Variants in CP observed in about 807,000 individuals in gnomAD.
The protein encoded by CP is caeruloplasmin.
In CP, 64 loss-of-function variants were observed where a neutral mutation model predicts 122.4. The ratio of observed to expected loss-of-function variants is 0.52; its 90% CI spans 0.43 to 0.64. The LOEUF (loss-of-function observed/expected upper bound fraction) is 0.64. Ranked by LOEUF, CP falls within the 30% of genes least tolerant of loss-of-function variation. The probability of loss-of-function intolerance (pLI) is 0.00; values close to 1 mark genes in which losing one functional copy is unlikely to be tolerated. For synonymous variants in CP, 440 were observed against 436.4 expected (o/e 1.01, Z -0.10); for missense variants, 1,167 against 1,284.4 (o/e 0.91, Z 1.40).
intron 2 of CP, among the ~76,000 whole-genome samples, chr3:149,211,394 A>G (rs1728089446): frequency 6.6e-6 from 1 of 152,290 alleles, no homozygotes; most frequent in Admixed American, 6.5e-5. Context: ...GTCCAAGGTC[A>G]CTCAAACAGT....
At chr3:149,208,715 T>C (rs190935095) in intron 4 of CP, among the ~76,000 whole-genome samples, 6 of 152,266 alleles carry the variant, frequency 3.9e-5, no homozygotes, top group African/African-American at 7.2e-5. Context: ...AAAAAAGCAT[T>C]TCTAGAAAAG....
chr3:149,181,900 C>G, intron 14 of CP, 105 bp downstream of exon 14: 1 of 1,300,172 alleles, frequency 7.7e-7, no homozygotes, highest in South Asian at 1.2e-5. Flanking sequence ...ACAACTACCT[C>G]CCTTTTCACT....
chr3:149,209,617 A>C (rs1244542748), intron 3 of CP, among the ~76,000 whole-genome samples: 1 of 152,164 alleles, frequency 6.6e-6, no homozygotes, highest in African/African-American at 2.4e-5. Flanking sequence ...CCACATAACT[A>C]TTAAATGCTT....
At chr3:149,221,364 A>T (rs1009960882) in intron 1 of CP, among the ~76,000 whole-genome samples, 1 of 152,202 alleles carries the variant, frequency 6.6e-6, no homozygotes, top group African/African-American at 2.4e-5. Flanking sequence ...TTCTGCATAA[A>T]CACATAAAAA....
At chr3:149,190,681 AG>A (rs1204848851) in intron 9 of CP, among the ~76,000 whole-genome samples, 13 of 146,874 alleles carry the variant, frequency 8.9e-5, no homozygotes, top group South Asian at 2.2e-4. Flanking sequence ...AAAAAAAAGG[AG>A]GGGGGGAACC....
downstream of CP, among the ~76,000 whole-genome samples, chr3:149,169,151 C>T (rs1724731433): frequency 6.6e-6 from 1 of 151,952 alleles, no homozygotes; most frequent in African/African-American, 2.4e-5. Flanking sequence ...TTTTTTCAAG[C>T]TACACATTCC....
intron 18 of CP, among the ~76,000 whole-genome samples, chr3:149,175,052 G>A (rs1219097581): frequency 6.6e-6 from 1 of 152,026 alleles, no homozygotes; most frequent in East Asian, 1.9e-4. Context: ...TTACCCTGTA[G>A]TGCCATACTC....
At chr3:149,193,861 ATAAC>A (rs1210915070) in intron 9 of CP, among the ~76,000 whole-genome samples, 1 of 152,224 alleles carries the variant, frequency 6.6e-6, no homozygotes, top group Non-Finnish European at 1.5e-5. Flanking sequence ...GAAATATTAA[ATAAC>A]TAATCTGTAG....
rs1217158127 is a variant in CP, at chr3:149,172,978, A to G, written c.*736T>C. 6.6e-6 allele frequency: 1 copy of G among 152,612 alleles called. No homozygotes were observed. The highest frequency in any genetic ancestry group is 1.5e-5 in the Non-Finnish European group (1 of 68,014). The allele number at this position is 152,612 out of a possible 1,614,324, so 9.5% of individuals were successfully genotyped here. On this transcript the variant is annotated 3_prime_UTR_variant, in exon 19 of 19. Transcript: ENST00000264613. ...TATTCACAACCATGTGTCTTCATTT[A>G]TAACTTTTTGTTTAAAAAATTTTTA...
chr3:149,217,653 A>C (rs1728553958), intron 1 of CP, among the ~76,000 whole-genome samples: 1 of 152,212 alleles, frequency 6.6e-6, no homozygotes, highest in African/African-American at 2.4e-5. Context: ...TAAACTTTCA[A>C]TATGCCCAAG....
At chr3:149,185,493 C>T in intron 11 of CP, 47 bp from the exon 12 acceptor site, 1 of 1,560,458 alleles carries the variant, frequency 6.4e-7, no homozygotes, top group South Asian at 1.1e-5. Flanking sequence ...CTAGTGCCCT[C>T]TGGGGCTCTC....
chr3:149,216,532 G>T (rs957501956), intron 1 of CP, among the ~76,000 whole-genome samples: 4 of 152,150 alleles, frequency 2.6e-5, no homozygotes, highest in Non-Finnish European at 5.9e-5. Context: ...GTCTCATCCT[G>T]TTCACAGGTT....
intron 9 of CP, among the ~76,000 whole-genome samples, chr3:149,196,364 A>G (rs1410340692): frequency 6.6e-6 from 1 of 152,204 alleles, no homozygotes; most frequent in Admixed American, 6.5e-5. Flanking sequence ...ATTTATCTGA[A>G]AAGTTTTTTC....
At chr3:149,199,120 G>T (rs1012501882) in intron 8 of CP, among the ~76,000 whole-genome samples, 2 of 152,056 alleles carry the variant, frequency 1.3e-5, no homozygotes, top group African/African-American at 2.4e-5. Context: ...GGTCCTTCTT[G>T]ATGTGTAAAA....
In CP at chr3:149,198,551, G is replaced by T. The variant is rs749291479; in HGVS notation, c.1529C>A (p.Ala510Glu). The T allele has an allele frequency of 6.2e-7, 1 of 1,614,064 alleles. No individual in the cohort carries two copies. The highest frequency in any genetic ancestry group is 8.5e-7 in the Non-Finnish European group (1 of 1,179,950). ...TTCATAGGTGAATGTTTCTGTGGGT[G>T]CCACATGGGAGGCTGAAGGAGGCAC... ...RSVPPSASHV[A>E]PTETFTYEWT... is the part of the protein sequence containing the mutation. The change falls in exon 9 of 19, where the codon GCA (alanine) becomes GAA (glutamate). Residue 510 changes from alanine (A) to glutamate (E), a missense_variant. Around this residue, in one of 2 missense-constraint regions of CP, gnomAD observed 642 missense variants for 627.3 expected, o/e 1.02. Transcript: ENST00000264613.
chr3:149,180,301 G>A (rs1468675292), intron 14 of CP, among the ~76,000 whole-genome samples: 1 of 152,056 alleles, frequency 6.6e-6, no homozygotes, highest in African/African-American at 2.4e-5. Context: ...CCACATACAG[G>A]ACATAACCAC....
At chr3:149,190,368 CAT>C in intron 9 of CP, among the ~76,000 whole-genome samples, 1 of 152,084 alleles carries the variant, frequency 6.6e-6, no homozygotes, top group East Asian at 1.9e-4. Flanking sequence ...TGATTAAAAA[CAT>C]AAACAGGCTG....
At chr3:149,198,021 C>T (rs1173503305) in intron 9 of CP, among the ~76,000 whole-genome samples, 3 of 152,134 alleles carry the variant, frequency 2.0e-5, no homozygotes, top group Non-Finnish European at 4.4e-5. Flanking sequence ...TCTACAGGAC[C>T]AATGACTCTT....
At position 149,163,890 on chromosome 3, in the gene CP, G is replaced by A. The variant is rs758569835; in HGVS notation, c.*14-1015C>T. The A allele has an allele frequency of 3.7e-5, 59 of 1,585,862 alleles. No individual in the cohort carries two copies. Among genetic ancestry groups the A allele is most frequent in the Middle Eastern group, 1.7e-4 (1 of 5,974 alleles). On this transcript the variant is annotated intron_variant, in intron 5 of 5. Transcript: ENST00000479771. The stretch of plus-strand genomic sequence containing the variant: ...CTTAATTTATCCATGGGTTCACGTC[G>A]TAATATCATCTGATTCTTTAGCTGA...
Sources: gnomAD v4.1 joint callset for allele counts (sites outside exome capture counted in the v4.1 genomes callset) on GRCh38, gnomAD v4.1.1 for gene constraint, gnomAD v4.1.1 regional missense constraint, MANE v1.5 for transcripts, NCBI Gene and HGNC (gene_info 2026-07-23, HGNC 2026-07-21) for gene names.